Variants in ATXN2 observed in about 807,000 individuals in gnomAD.
The protein encoded by ATXN2 is ataxin 2.
A neutral mutation model predicts 138.6 loss-of-function variants in ATXN2; 37 were observed. The ratio of observed to expected loss-of-function variants is 0.27; its 90% CI spans 0.21 to 0.35. The LOEUF (loss-of-function observed/expected upper bound fraction) is 0.35, where lower values mean the gene tolerates loss of function less well. ATXN2 is among the 10% of genes least tolerant of loss of function. The pLI is 1.00. For synonymous variants in ATXN2, 549 were observed against 543.7 expected, an observed-to-expected ratio of 1.01 and a Z score of -0.13; for missense variants, 1,216 against 1,480.3, an observed-to-expected ratio of 0.82 and a Z score of 2.93.
Position 111,552,207 on chromosome 12 carries a change from A to G in ATXN2, c.571+73T>C. 1 of 1,454,742 alleles carries G rather than the reference A, an allele frequency of 6.9e-7. No individual in the cohort carries two copies. 90.1% of individuals were successfully genotyped at this position (1,454,742 alleles called of 1,614,324 possible). ...AGATATTTCTTTAAAAAAAGTTTGTAAGATCACTGTGAAAATCTTTGCTTG... is the reference window on the plus strand; with the variant it reads ...AGATATTTCTTTAAAAAAAGTTTGTGAGATCACTGTGAAAATCTTTGCTTG... On this transcript the variant is annotated intron_variant, in intron 5 of 24. Transcript: ENST00000673436. This position sits in a 1 kb window ranked among gnomAD's most constrained non-coding sequence, Gnocchi z 4.1.
chr12:111,504,112 T>C (rs1274820378), intron 14 of ATXN2, among the ~76,000 whole-genome samples: 1 of 152,230 alleles, frequency 6.6e-6, no homozygotes, highest in Non-Finnish European at 1.5e-5. Flanking sequence ...CTAAAATGTT[T>C]TCTGCTAACT....
intron 14 of ATXN2, among the ~76,000 whole-genome samples, chr12:111,507,155 C>T (rs1378980516): frequency 6.6e-6 from 1 of 151,404 alleles, no homozygotes; most frequent in African/African-American, 2.4e-5. Flanking sequence ...CCCCTCTGCC[C>T]GGCTGCCCAG....
At position 111,456,112 on chromosome 12, in the gene ATXN2, C is replaced by T. The variant is rs1247225158; in HGVS notation, c.3187G>A (p.Ala1063Thr). 6.2e-7 allele frequency: 1 copy of T among 1,614,184 alleles called. No individual in the cohort carries two copies. Among genetic ancestry groups the T allele is most frequent in the Middle Eastern group, 1.6e-4 (1 of 6,062 alleles). ...TQSPQNSFPA[A>T]QQTVFTIHPS... ...TGGATCGTAAAGACAGTCTGTTGTG[C>T]TGCTGGGAAACTATTCTGTGGCGAC... The change falls in exon 23 of 25, where the codon GCA becomes ACA. Residue 1063 changes from alanine (A) to threonine (T), a missense_variant. By Grantham distance (58) the Ala-to-Thr change is moderately conservative (BLOSUM62 0). Around this residue, in one of 4 missense-constraint regions of ATXN2, gnomAD observed 490 missense variants for 653.5 expected, o/e 0.75. Coordinates refer to ENST00000673436, the MANE Select transcript of ATXN2 (RefSeq NM_001372574.1).
At chr12:111,578,196 C>T (rs953706189) in intron 1 of ATXN2, among the ~76,000 whole-genome samples, 1 of 152,058 alleles carries the variant, frequency 6.6e-6, no homozygotes, top group Non-Finnish European at 1.5e-5. Flanking sequence ...GACTCCATCT[C>T]AAAAAACAAA....
intron 1 of ATXN2, chr12:111,597,857 G>T: frequency 7.8e-7 from 1 of 1,287,674 alleles, no homozygotes. Flanking sequence ...CCCGCCCCCT[G>T]CCACCAGCAC....
At chr12:111,499,664 A>T (rs1000101851) in intron 14 of ATXN2, among the ~76,000 whole-genome samples, 2 of 151,738 alleles carry the variant, frequency 1.3e-5, no homozygotes, top group Non-Finnish European at 2.9e-5. Flanking sequence ...ACAAAGTGAG[A>T]CTCTGTCTCA....
At chr12:111,509,717 G>T in intron 13 of ATXN2, 98 bp from the exon 14 acceptor site, 1 of 933,906 alleles carries the variant, frequency 1.1e-6, no homozygotes. Context: ...TAAGATATAA[G>T]ATCAGAAAAT....
chr12:111,480,632 C>T (rs1351344149), intron 18 of ATXN2, among the ~76,000 whole-genome samples: 1 of 152,066 alleles, frequency 6.6e-6, no homozygotes. Context: ...GCTAAGTTAG[C>T]GCCACTCCAT....
chr12:111,566,647 T>G (rs1883027824), intron 1 of ATXN2, among the ~76,000 whole-genome samples: 1 of 151,508 alleles, frequency 6.6e-6, no homozygotes, highest in Admixed American at 6.6e-5. Context: ...TCTTTTTTTT[T>G]TTTTTTAAGA....
intron 1 of ATXN2, among the ~76,000 whole-genome samples, chr12:111,596,211 C>T (rs905080064): frequency 9.0e-5 from 11 of 121,864 alleles, no homozygotes; most frequent in African/African-American, 1.8e-4. Flanking sequence ...CCAAAACACA[C>T]ACACACACAC....
chr12:111,481,224 C>T (rs1877210658), intron 18 of ATXN2, among the ~76,000 whole-genome samples: 2 of 152,076 alleles, frequency 1.3e-5, no homozygotes, highest in South Asian at 4.2e-4. Context: ...GCAGGGGGAT[C>T]GCTTGAGCTC....
At chr12:111,581,249 T>C (rs954374367) in intron 1 of ATXN2, 1 of 349,358 alleles carries the variant, frequency 2.9e-6, no homozygotes, top group African/African-American at 2.1e-5. Context: ...GGTCTCAATT[T>C]CTTCACCCGT....
At position 111,599,069 on chromosome 12, in the gene ATXN2, C is replaced by T; in HGVS notation, c.-35G>A. 1.4e-6 allele frequency: 2 copies of T among 1,424,054 alleles called. No homozygotes were observed. Among genetic ancestry groups the T allele is most frequent in the Admixed American group, 2.6e-5 (1 of 38,640 alleles). The allele number at this position is 1,424,054 out of a possible 1,614,324, so 88.2% of individuals were successfully genotyped here. A position where few individuals can be genotyped will look rare whatever the true frequency, so the allele number is the denominator to read the frequency against. ...CCCATACACCGGCTCGCACGCCGGG[C>T]GGGGACAGCCGGGAGCCGGGCGCGC... On this transcript the variant is annotated 5_prime_UTR_variant, in exon 1 of 25. Transcript: ENST00000673436.
chr12:111,498,564 A>G (rs1278004181), intron 14 of ATXN2, among the ~76,000 whole-genome samples: 4 of 152,194 alleles, frequency 2.6e-5, no homozygotes, highest in African/African-American at 9.7e-5. Context: ...GAAATTGATG[A>G]CACAGAAAAA....
rs1325259789 is a variant in ATXN2, at chr12:111,464,682, C to T, written c.2876G>A (p.Ser959Asn). The change falls in exon 21 of 25, where the codon AGC becomes AAC. Residue 959 changes from serine (S) to asparagine (N), a missense_variant. Physicochemically the swap from Ser to Asn is conservative, Grantham distance 46. Coordinates refer to ENST00000673436, the MANE Select transcript of ATXN2 (RefSeq NM_001372574.1). ...CTCACTGGCAAAGTAGAAAGAAGGG[C>T]TTGTCTCCTTGTTGTATGGTAATTT... is the stretch of plus-strand genomic sequence containing the variant. ...CPKLPYNKET[S>N]PSFYFAISTG... The T allele has an allele frequency of 6.2e-7, 1 of 1,611,074 alleles. No homozygotes were observed. Among genetic ancestry groups the T allele is most frequent in the Non-Finnish European group, 8.5e-7 (1 of 1,177,788 alleles).
intron 20 of ATXN2, among the ~76,000 whole-genome samples, chr12:111,466,415 G>A (rs778564263): frequency 2.3e-4 from 34 of 146,510 alleles, no homozygotes; most frequent in Non-Finnish European, 3.0e-5. Context: ...GTAGGAGAAT[G>A]GCGTGAACGC....
At chr12:111,568,836 C>T (rs1336707966) in intron 1 of ATXN2, among the ~76,000 whole-genome samples, 1 of 152,306 alleles carries the variant, frequency 6.6e-6, no homozygotes. Context: ...TCATTTTGTT[C>T]TTCCAATTTC....
Position 111,554,083 on chromosome 12 carries a change from A to G in ATXN2, c.348+75T>C. 5 of 978,780 alleles carry G rather than the reference A, an allele frequency of 5.1e-6. No individual in the cohort carries two copies. In the Middle Eastern group the frequency reaches 1.0e-3, roughly 202 times the overall value. 60.6% of individuals were successfully genotyped at this position (978,780 alleles called of 1,614,324 possible). A position where few individuals can be genotyped will look rare whatever the true frequency, so the allele number is the denominator to read the frequency against. On this transcript the variant is annotated intron_variant, in intron 3 of 24. Transcript: ENST00000673436. ...AGCAATGTTACTTTGACAATCATTT[A>G]TCCACATTTTAACTTCATGGAATTA...
At chr12:111,471,628 T>G (rs1876419375) in intron 18 of ATXN2, 1 of 152,146 alleles carries the variant, frequency 6.6e-6, no homozygotes, top group African/African-American at 2.4e-5. Context: ...AATTTGTGGC[T>G]AAACATTCAC....
Sources: allele counts gnomAD v4.1 joint callset (sites outside exome capture counted in the v4.1 genomes callset), GRCh38; gene constraint gnomAD v4.1.1; regional missense constraint gnomAD v4.1.1; non-coding constraint Gnocchi (gnomAD v3.1); transcripts MANE v1.5; gene names NCBI Gene and HGNC (gene_info 2026-07-23, HGNC 2026-07-21).